CELSR1: variants seen among roughly 807,000 people sequenced by gnomAD.
The protein encoded by CELSR1 is adhesion G protein-coupled receptor C1.
CELSR1 carries 110 observed loss-of-function variants against 249.1 expected under a neutral mutation model. The observed-to-expected ratio is 0.44, with a 90% CI of 0.38 to 0.52. CELSR1 has a LOEUF of 0.52. CELSR1 is among the 20% of genes least tolerant of loss of function. The pLI is 0.00. For synonymous variants in CELSR1, 2,113 were observed against 1,900.0 expected (o/e 1.11, Z -2.92); for missense variants, 4,109 against 4,296.4 (o/e 0.96, Z 1.22).
rs1341786358 is a variant in CELSR1, at chr22:46,448,363, G to C, written c.4184-8952C>G. ...AGAGCTCCAGAACTTACCCCTGGGGGGCTGCTCCAGGAGCTAGGAGAAGAG... is the reference window on the plus strand; with the variant it reads ...AGAGCTCCAGAACTTACCCCTGGGGCGCTGCTCCAGGAGCTAGGAGAAGAG... On this transcript the variant is annotated intron_variant, in intron 2 of 34. Transcript: ENST00000674500. The surrounding 1 kb of genome is among the most constrained non-coding windows in gnomAD (Gnocchi z 5.7). Among the ~76,000 whole-genome samples, 1 of 152,120 alleles carries C rather than the reference G, an allele frequency of 6.6e-6. No homozygotes were observed. The highest frequency in any genetic ancestry group is 2.4e-5 in the African/African-American group (1 of 41,420).
chr22:46,398,644 GGAGA>G lies in CELSR1; in HGVS notation c.5413-11_5413-8del. ...CCCCGATATCTGCCTTGTTCTGTGC[GGAGA>G]GAGGGGCCGGGGATCTGGGGGCTGC... On this transcript the variant is annotated splice_region_variant and splice_polypyrimidine_tract_variant and intron_variant, in intron 10 of 34. Coordinates refer to ENST00000674500, the MANE Select transcript of CELSR1 (RefSeq NM_001378328.1). The surrounding 1 kb of genome is among the most constrained non-coding windows in gnomAD (Gnocchi z 7.2). 2 of 1,602,970 alleles carry G rather than the reference GGAGA, an allele frequency of 1.2e-6. No homozygotes were observed. Among genetic ancestry groups the G allele is most frequent in the Non-Finnish European group, 1.7e-6 (2 of 1,174,444 alleles).
At chr22:46,480,480 A>C (rs1394581344) in intron 1 of CELSR1, among the ~76,000 whole-genome samples, 6 of 152,254 alleles carry the variant, frequency 3.9e-5, no homozygotes, top group Non-Finnish European at 7.3e-5. Flanking sequence ...ATCAACTTGT[A>C]TGCCCTTGTA....
rs556658483 is a variant in CELSR1 at position 46,390,766 on chromosome 22, G to A, written c.6251-280C>T. 7.9e-5 allele frequency among the ~76,000 whole-genome samples: 12 copies of A among 152,192 alleles called. No individual in the cohort carries two copies. The highest frequency in any genetic ancestry group is 1.5e-4 in the Non-Finnish European group (10 of 68,038). On this transcript the variant is annotated intron_variant, in intron 16 of 34. Transcript: ENST00000674500. This position sits in a 1 kb window ranked among gnomAD's most constrained non-coding sequence, Gnocchi z 6.3. ...AAAGAAATCAGCAACACCATCTGCC[G>A]GCAGCCACGATCCCATGCACCAGGA...
intron 1 of CELSR1, among the ~76,000 whole-genome samples, chr22:46,511,856 T>C (rs2080577250): frequency 6.6e-6 from 1 of 152,096 alleles, no homozygotes; most frequent in African/African-American, 2.4e-5. Context: ...ACCAGCTCTG[T>C]AAACATCCCT....
chr22:46,477,438 G>A (rs971912251), intron 1 of CELSR1, among the ~76,000 whole-genome samples: 2 of 152,174 alleles, frequency 1.3e-5, no homozygotes, highest in Admixed American at 1.3e-4. Context: ...CCCTTGTTGG[G>A]GAGTGCCGGG....
intron 2 of CELSR1, among the ~76,000 whole-genome samples, chr22:46,450,251 A>C (rs1024555886): frequency 2.0e-5 from 3 of 152,242 alleles, no homozygotes; most frequent in African/African-American, 7.2e-5. Context: ...GCCCCCAGCC[A>C]CCAGGGCCTT....
chr22:46,382,712 A>G (rs924092004), intron 20 of CELSR1, among the ~76,000 whole-genome samples: 1 of 152,216 alleles, frequency 6.6e-6, no homozygotes, highest in Non-Finnish European at 1.5e-5. Context: ...AATATTACTC[A>G]GCCTTCAAAA....
intron 25 of CELSR1, 81 bp from the exon 26 acceptor site, chr22:46,369,885 G>A (rs773597371): frequency 7.7e-6 from 9 of 1,173,874 alleles, no homozygotes; most frequent in Middle Eastern, 1.9e-4. Flanking sequence ...CCAGGGTGGG[G>A]TGAAATGGGG....
rs1000874817 is a variant in CELSR1 at position 46,446,273 on chromosome 22, G to A, written c.4184-6862C>T. ...CTTAGTCTCTGCATGTGGCTTTCCA[G>A]TGCCTGGAGGCCACCCGCATCCCCT... On this transcript the variant is annotated intron_variant, in intron 2 of 34. Transcript: ENST00000674500. This position sits in a 1 kb window ranked among gnomAD's most constrained non-coding sequence, Gnocchi z 5.5. 6.6e-6 allele frequency among the ~76,000 whole-genome samples: 1 copy of A among 152,192 alleles called. No individual in the cohort carries two copies. Among genetic ancestry groups the A allele is most frequent in the African/African-American group, 2.4e-5 (1 of 41,432 alleles).
chr22:46,388,196 A>G (rs1327110181), intron 18 of CELSR1, among the ~76,000 whole-genome samples: 1 of 152,104 alleles, frequency 6.6e-6, no homozygotes, highest in African/African-American at 2.4e-5. Context: ...CAAAAATACA[A>G]AAATTAGCCG....
At chr22:46,480,408 T>C (rs1271364350) in intron 1 of CELSR1, among the ~76,000 whole-genome samples, 1 of 152,218 alleles carries the variant, frequency 6.6e-6, no homozygotes, top group Non-Finnish European at 1.5e-5. Flanking sequence ...CTTATCCAAA[T>C]GATAAGGAAC....
At position 46,488,523 on chromosome 22, in the gene CELSR1, G is replaced by C. The variant is rs974190447; in HGVS notation, c.3545-24178C>G. On this transcript the variant is annotated intron_variant, in intron 1 of 34. Coordinates refer to ENST00000674500, the MANE Select transcript of CELSR1 (RefSeq NM_001378328.1). The surrounding 1 kb of genome is among the most constrained non-coding windows in gnomAD (Gnocchi z 4.7). The stretch of plus-strand genomic sequence containing the variant: ...TTGAACCCACACCAAGGCTGGACTC[G>C]GCACAGGCCAGAGGGAAGCCCCACA... Among the ~76,000 whole-genome samples, 4 of 152,142 alleles carry C rather than the reference G, an allele frequency of 2.6e-5. No homozygotes were observed. The highest frequency in any genetic ancestry group is 4.8e-5 in the African/African-American group (2 of 41,426).
At chr22:46,432,526 C>G (rs535039348) in intron 5 of CELSR1, among the ~76,000 whole-genome samples, 1 of 152,230 alleles carries the variant, frequency 6.6e-6, no homozygotes, top group Non-Finnish European at 1.5e-5. Flanking sequence ...GGGGCACACC[C>G]TGGAGCTTCC....
chr22:46,386,767 T>C (rs2079038786), intron 18 of CELSR1, among the ~76,000 whole-genome samples, 182 bp from the exon 19 acceptor site: 1 of 152,332 alleles, frequency 6.6e-6, no homozygotes. Context: ...TTGTGTTTTT[T>C]TTTGAGACAC....
In CELSR1 at chr22:46,464,957, C is replaced by A. The variant is rs777742983; in HGVS notation, c.3545-612G>T. On this transcript the variant is annotated intron_variant, in intron 1 of 34. Transcript: ENST00000674500. This position sits in a 1 kb window ranked among gnomAD's most constrained non-coding sequence, Gnocchi z 8.5. ...ACCCCACGCAACTCCACATGCCCAG[C>A]ACACAGGAGGGGCCGAGGAGCACCG... Among the ~76,000 whole-genome samples, 8 of 152,186 alleles carry A rather than the reference C, an allele frequency of 5.3e-5. No individual in the cohort carries two copies. The highest frequency in any genetic ancestry group is 8.8e-5 in the Non-Finnish European group (6 of 68,036).
chr22:46,363,720 A>G lies in CELSR1; in HGVS notation c.9035+276T>C. On this transcript the variant is annotated intron_variant, in intron 34 of 34. Transcript: ENST00000674500. This position sits in a 1 kb window ranked among gnomAD's most constrained non-coding sequence, Gnocchi z 4.3. ...ACAATGCTGATCAAACGCAGAGCCC[A>G]GCACCTTAGGTCCTAGCATTTTGGG... The G allele has an allele frequency of 3.9e-6, 2 of 510,334 alleles. No individual in the cohort carries two copies. The highest frequency in any genetic ancestry group is 6.9e-6 in the Non-Finnish European group (2 of 290,338). The allele number at this position is 510,334 out of a possible 1,614,324, so 31.6% of individuals were successfully genotyped here. A position where few individuals can be genotyped will look rare whatever the true frequency, so the allele number is the denominator to read the frequency against.
At position 46,410,605 on chromosome 22, in the gene CELSR1, G is replaced by A. The variant is rs375429921; in HGVS notation, c.4770-44C>T. 6.3e-7 allele frequency: 1 copy of A among 1,596,368 alleles called. No homozygotes were observed. Among genetic ancestry groups the A allele is most frequent in the Non-Finnish European group, 8.6e-7 (1 of 1,166,648 alleles). On this transcript the variant is annotated intron_variant, in intron 6 of 34. Transcript: ENST00000674500. The surrounding 1 kb of genome is among the most constrained non-coding windows in gnomAD (Gnocchi z 6.8). ...CTTCTGTGACGTCAGGGCGGGGAGA[G>A]GCGGCCACGGCGGGCTGGGCTCCGC...
Position 46,380,187 on chromosome 22 carries a change from C to T in CELSR1, c.7256+601G>A, listed in dbSNP as rs530211714. The stretch of plus-strand genomic sequence containing the variant: ...TTCTAACGACGAAACGCCTTTCCCT[C>T]GCTTGCATGGATGCTAGAACACAGA... On this transcript the variant is annotated intron_variant, in intron 22 of 34. Coordinates refer to ENST00000674500, the MANE Select transcript of CELSR1 (RefSeq NM_001378328.1). This position sits in a 1 kb window ranked among gnomAD's most constrained non-coding sequence, Gnocchi z 5.1. Among the ~76,000 whole-genome samples the T allele has an allele frequency of 4.3e-4, 66 of 152,340 alleles. No homozygotes were observed. The South Asian group carries it at 4.8e-3, about 11-fold the overall frequency.
intron 2 of CELSR1, among the ~76,000 whole-genome samples, chr22:46,456,762 A>T (rs1251961921): frequency 6.6e-6 from 1 of 150,976 alleles, no homozygotes; most frequent in Admixed American, 6.6e-5. Context: ...GCTAGAATTT[A>T]TTTTTAAGAT....
Sources: gnomAD v4.1 joint callset for allele counts (sites outside exome capture counted in the v4.1 genomes callset) on GRCh38, gnomAD v4.1.1 for gene constraint, Gnocchi (gnomAD v3.1) non-coding constraint, MANE v1.5 for transcripts, NCBI Gene and HGNC (gene_info 2026-07-23, HGNC 2026-07-21) for gene names.